Variants in ESR2 observed in about 807,000 individuals in gnomAD.
The protein encoded by ESR2 is estrogen receptor beta.
Under a neutral mutation model 49.6 loss-of-function variants are expected in ESR2, and 36 were observed. The ratio of observed to expected loss-of-function variants is 0.73; its 90% CI spans 0.56 to 0.96. The LOEUF is 0.96. Ranked by LOEUF, ESR2 falls within the 40% of genes least tolerant of loss-of-function variation. The probability of loss-of-function intolerance (pLI) is 0.00; values close to 1 mark genes in which losing one functional copy is unlikely to be tolerated. For missense variants in ESR2, 714 were observed against 693.0 expected (o/e 1.03, Z -0.34); for synonymous variants, 320 against 266.1 (o/e 1.20, Z -1.97).
intron 1 of ESR2, among the ~76,000 whole-genome samples, chr14:64,322,832 G>A (rs1236103169): frequency 6.6e-6 from 1 of 152,118 alleles, no homozygotes; most frequent in African/African-American, 2.4e-5. Flanking sequence ...TAAGTTGAAA[G>A]ATACTTATTT....
upstream of ESR2, among the ~76,000 whole-genome samples, chr14:64,294,771 C>T (rs916343326): frequency 1.3e-5 from 2 of 152,216 alleles, no homozygotes; most frequent in Non-Finnish European, 2.9e-5. Context: ...ACCAGAGAGG[C>T]TTTGGGTTTG....
Position 64,230,583 on chromosome 14 carries a change from GTCTTGTGT to G in ESR2, c.*2546_*2553del, listed in dbSNP as rs2098726232. 6.6e-6 allele frequency among the ~76,000 whole-genome samples: 1 copy of G among 152,010 alleles called. No homozygotes were observed. Among genetic ancestry groups the G allele is most frequent in the South Asian group, 2.1e-4 (1 of 4,816 alleles). On this transcript the variant is annotated 3_prime_UTR_variant, in exon 9 of 9. Coordinates refer to ENST00000341099, the MANE Select transcript of ESR2 (RefSeq NM_001437.3). Reference sequence around the variant, plus strand: ...GATTTGTGACTAGGCTGACAGCTTTGTCTTGTGTTCCCGCCTTAATTTTTTGAGAAAAA... The same window carrying G: ...GATTTGTGACTAGGCTGACAGCTTTGTCCCGCCTTAATTTTTTGAGAAAAA...
At chr14:64,281,730 G>A (rs1255625088) in intron 2 of ESR2, among the ~76,000 whole-genome samples, 1 of 152,068 alleles carries the variant, frequency 6.6e-6, no homozygotes, top group Non-Finnish European at 1.5e-5. Flanking sequence ...AATCCATTAT[G>A]TTACCTTGCA....
chr14:64,235,094 G>A lies in ESR2; in HGVS notation c.1282C>T (p.His428Tyr). 1 of 1,614,178 alleles carries A rather than the reference G, an allele frequency of 6.2e-7. No individual in the cohort carries two copies. Among genetic ancestry groups the A allele is most frequent in the African/African-American group, 1.3e-5 (1 of 75,068 alleles). The change falls in exon 8 of 9, where the codon CAC (histidine) becomes TAC (tyrosine). Residue 428 changes from histidine to tyrosine, a missense_variant. Physicochemically the swap from His to Tyr is moderately conservative, Grantham distance 83 (BLOSUM62 2). Coordinates refer to ENST00000341099, the MANE Select transcript of ESR2 (RefSeq NM_001437.3). ...GCATCGGTCACGGCGTTCAGCAAGT[G>A]AGCCAGCTTCCGGCTGCTGTCAGCA... ...QDADSSRKLA[H>Y]LLNAVTDALV...
downstream of ESR2, chr14:64,227,452 G>T (rs142219923): frequency 3.5e-5 from 51 of 1,461,916 alleles, no homozygotes; most frequent in Non-Finnish European, 4.6e-5. Context: ...TTTTTTTCAT[G>T]GATTACAATG....
At chr14:64,334,507 CA>C (rs977161934) in intron 1 of ESR2, among the ~76,000 whole-genome samples, 1 of 152,182 alleles carries the variant, frequency 6.6e-6, no homozygotes, top group Admixed American at 6.5e-5. Context: ...AGAGAGAGAA[CA>C]AAAAGGAATT....
At chr14:64,322,879 T>C (rs1042316781) in intron 1 of ESR2, among the ~76,000 whole-genome samples, 2 of 152,224 alleles carry the variant, frequency 1.3e-5, no homozygotes, top group African/African-American at 4.8e-5. Flanking sequence ...AGGAAATAAT[T>C]ATATCATCCC....
At chr14:64,239,837 A>C (rs994417693) in intron 7 of ESR2, among the ~76,000 whole-genome samples, 3 of 152,226 alleles carry the variant, frequency 2.0e-5, no homozygotes, top group Non-Finnish European at 2.9e-5. Context: ...ATTGGCTGAG[A>C]GAGTTAGAAT....
At chr14:64,287,135 G>A (rs1408010681) in intron 1 of ESR2, among the ~76,000 whole-genome samples, 2 of 150,358 alleles carry the variant, frequency 1.3e-5, no homozygotes, top group East Asian at 2.0e-4. Flanking sequence ...TCACATTATT[G>A]TGCAACCAAT....
At chr14:64,267,237 G>T (rs999728736) in intron 4 of ESR2, among the ~76,000 whole-genome samples, 1 of 152,178 alleles carries the variant, frequency 6.6e-6, no homozygotes. Context: ...TAATATGTTT[G>T]AGTAAATTTT....
At chr14:64,289,651 G>A (rs2076840416) in intron 1 of ESR2, among the ~76,000 whole-genome samples, 1 of 152,124 alleles carries the variant, frequency 6.6e-6, no homozygotes, top group Admixed American at 6.5e-5. Flanking sequence ...TTCCAGACAA[G>A]TTACAATGTC....
intron 7 of ESR2, among the ~76,000 whole-genome samples, chr14:64,245,379 G>A (rs994239431): frequency 1.3e-5 from 2 of 151,912 alleles, no homozygotes; most frequent in Admixed American, 6.6e-5. Flanking sequence ...AGGCGTGGTG[G>A]TGGGTGCCTG....
rs569653335 is a variant in ESR2 at position 64,261,371 on chromosome 14, A to G, written c.653-623T>C. 2.7e-5 allele frequency among the ~76,000 whole-genome samples: 4 copies of G among 150,122 alleles called. No homozygotes were observed. The East Asian group carries it at 6.0e-4, about 22-fold the overall frequency. ...TCCTGCCTCAGCCTCCCGAGTAGCT[A>G]GGACTATGGGTGCCTGCCACCATAT... On this transcript the variant is annotated intron_variant, in intron 4 of 8. Coordinates refer to ENST00000341099, the MANE Select transcript of ESR2 (RefSeq NM_001437.3).
At chr14:64,292,102 G>A (rs949429288) in intron 1 of ESR2, among the ~76,000 whole-genome samples, 1 of 152,080 alleles carries the variant, frequency 6.6e-6, no homozygotes, top group African/African-American at 2.4e-5. Context: ...TTAACACTTA[G>A]TCCAAGTCTC....
At chr14:64,305,761 G>A (rs1466588324) in intron 1 of ESR2, among the ~76,000 whole-genome samples, 1 of 152,110 alleles carries the variant, frequency 6.6e-6, no homozygotes, top group African/African-American at 2.4e-5. Context: ...CCATCTGGTT[G>A]ATGCAGTAAA....
intron 1 of ESR2, among the ~76,000 whole-genome samples, chr14:64,310,081 G>A (rs1013592864): frequency 6.6e-6 from 1 of 151,104 alleles, no homozygotes; most frequent in Non-Finnish European, 1.5e-5. Context: ...GCGAGACTCC[G>A]TCTTAAAAAA....
At chr14:64,314,351 T>G (rs531521619) in intron 1 of ESR2, among the ~76,000 whole-genome samples, 90 of 150,914 alleles carry the variant, frequency 6.0e-4, no homozygotes, top group Non-Finnish European at 9.8e-4. Flanking sequence ...GGGACACAGC[T>G]AAAGCACCAC....
chr14:64,304,890 A>T (rs1352036165), intron 1 of ESR2, among the ~76,000 whole-genome samples: 5 of 152,180 alleles, frequency 3.3e-5, no homozygotes, highest in South Asian at 2.1e-4. Context: ...AAACAAACAA[A>T]CAATAAATAA....
Position 64,229,584 on chromosome 14 carries a change from T to A in ESR2, c.*3553A>T, listed in dbSNP as rs2098725328. Among the ~76,000 whole-genome samples the A allele has an allele frequency of 6.6e-6, 1 of 152,178 alleles. No individual in the cohort carries two copies. The highest frequency in any genetic ancestry group is 1.5e-5 in the Non-Finnish European group (1 of 68,038). On this transcript the variant is annotated 3_prime_UTR_variant, in exon 9 of 9. Transcript: ENST00000341099. ...TGCATGTCAGGTTGCACCTGATAGATTCTGCAGTTTTAAAATATTTTTCTT... is the reference window on the plus strand; with the variant it reads ...TGCATGTCAGGTTGCACCTGATAGAATCTGCAGTTTTAAAATATTTTTCTT...
Sources: gnomAD v4.1 joint callset for allele counts (sites outside exome capture counted in the v4.1 genomes callset) on GRCh38, gnomAD v4.1.1 for gene constraint, MANE v1.5 for transcripts, NCBI Gene and HGNC (gene_info 2026-07-23, HGNC 2026-07-21) for gene names.